Variants in NCF2 observed in about 807,000 individuals in gnomAD.
NCF2 encodes the protein neutrophil cytosolic factor 2.
NCF2 carries 45 observed loss-of-function variants against 70.9 expected under a neutral mutation model. The observed-to-expected ratio is 0.63, with a 90% CI of 0.50 to 0.81. NCF2 has a LOEUF of 0.81. Ranked by LOEUF, NCF2 falls within the 40% of genes least tolerant of loss-of-function variation. The probability of loss-of-function intolerance (pLI) is 0.00; values close to 1 mark genes in which losing one functional copy is unlikely to be tolerated. For missense variants in NCF2, 522 were observed against 631.6 expected, an observed-to-expected ratio of 0.83 and a Z score of 1.86; for synonymous variants, 203 against 233.6, an observed-to-expected ratio of 0.87 and a Z score of 1.19.
At position 183,563,268 on chromosome 1, in the gene NCF2, G is replaced by GA. The variant is rs1672151930; in HGVS notation, c.1216dup (p.Ser406PhefsTer22). ...CCAGGCATCCTTCATGCTGTCTTCT[G>GA]AAAGGGGCACCAGCTCATTGCTGTC... On this transcript the variant is annotated frameshift_variant, in exon 13 of 15. Coordinates refer to ENST00000367535, the MANE Select transcript of NCF2 (RefSeq NM_000433.4). LOFTEE classifies it high-confidence loss of function. 6.2e-7 allele frequency: 1 copy of GA among 1,614,146 alleles called. No homozygotes were observed. Among genetic ancestry groups the GA allele is most frequent in the Non-Finnish European group, 8.5e-7 (1 of 1,180,024 alleles).
chr1:183,584,348 C>T (rs530735929), intron 2 of NCF2, among the ~76,000 whole-genome samples: 16 of 152,308 alleles, frequency 1.1e-4, no homozygotes, highest in East Asian at 1.9e-4. Flanking sequence ...TAGGGAATTG[C>T]GCAAGAGGGC....
chr1:183,562,340 G>A (rs1180149782), intron 13 of NCF2, among the ~76,000 whole-genome samples: 1 of 152,100 alleles, frequency 6.6e-6, no homozygotes, highest in Non-Finnish European at 1.5e-5. Flanking sequence ...AAGACAGACA[G>A]CTGGAAAACC....
chr1:183,558,223 C>T (rs1447381182), intron 14 of NCF2, among the ~76,000 whole-genome samples: 1 of 151,774 alleles, frequency 6.6e-6, no homozygotes, highest in African/African-American at 2.4e-5. Flanking sequence ...TGTATACTCT[C>T]TCTACCCCCA....
intron 2 of NCF2, 150 bp from the exon 3 acceptor site, chr1:183,577,857 C>A: frequency 1.5e-6 from 1 of 687,750 alleles, no homozygotes. Flanking sequence ...TTCAGCAACC[C>A]TGAGTCCAAG....
intron 2 of NCF2, among the ~76,000 whole-genome samples, chr1:183,586,566 T>C (rs1267260694): frequency 6.6e-6 from 1 of 152,154 alleles, no homozygotes; most frequent in Non-Finnish European, 1.5e-5. Flanking sequence ...CTGTGACAGC[T>C]CAGTACCTCA....
chr1:183,587,048 A>ATCT, intron 1 of NCF2, 71 bp from the exon 2 acceptor site: 1 of 1,410,418 alleles, frequency 7.1e-7, no homozygotes, highest in South Asian at 1.1e-5. Context: ...GCCACGGCTC[A>ATCT]CAGAGCCCTA....
intron 3 of NCF2, among the ~76,000 whole-genome samples, chr1:183,576,617 C>T (rs867289820): frequency 6.6e-6 from 1 of 152,152 alleles, no homozygotes; most frequent in Admixed American, 6.5e-5. Flanking sequence ...AAACCTTACT[C>T]GAGAAGTTGG....
Position 183,565,706 on chromosome 1 carries a change from G to A in NCF2, c.998C>T (p.Pro333Leu), listed in dbSNP as rs1161284292. 6.2e-7 allele frequency: 1 copy of A among 1,612,384 alleles called. No individual in the cohort carries two copies. The highest frequency in any genetic ancestry group is 1.7e-5 in the Admixed American group (1 of 60,016). ...SKAPGRPQLS[P>L]GQKQKEEPKE... ...GCTGTGGCTCCAGGACCACTCACCT[G>A]GTGACAGCTGGGGTCTTCCAGGGGC... Residue 333 changes from proline (P) to leucine (L), a missense_variant and splice_region_variant, in exon 10 of 15, where the codon CCA becomes CTA. By Grantham distance (98) the Pro-to-Leu change is moderately conservative. Transcript: ENST00000367535.
At chr1:183,566,880 A>G (rs1206990456) in intron 9 of NCF2, 40 bp downstream of exon 9, 1 of 1,611,012 alleles carries the variant, frequency 6.2e-7, no homozygotes, top group Admixed American at 1.7e-5. Flanking sequence ...AGATCCCTAA[A>G]GGGTGAGAGG....
Position 183,590,305 on chromosome 1 carries a change from G to A in NCF2, c.25C>T (p.Leu9Phe), listed in dbSNP as rs1391299879. Residue 9 changes from leucine to phenylalanine, a missense_variant, in exon 1 of 15, where the codon CTC (leucine) becomes TTC (phenylalanine). Physicochemically the swap from Leu to Phe is conservative, Grantham distance 22. Coordinates refer to ENST00000367535, the MANE Select transcript of NCF2 (RefSeq NM_000433.4). The stretch of plus-strand genomic sequence containing the variant: ...GCTGCCAGCACCCCTTCATTCCAGA[G>A]GCTGATGGCCTCCACCAGGGACATG... The part of the protein sequence containing the change: MSLVEAIS[L>F]WNEGVLAADK... The A allele has an allele frequency of 6.2e-7, 1 of 1,614,112 alleles. No individual in the cohort carries two copies. The highest frequency in any genetic ancestry group is 8.5e-7 in the Non-Finnish European group (1 of 1,180,008).
chr1:183,560,029 T>G, intron 14 of NCF2, 67 bp downstream of exon 14: 2 of 1,506,316 alleles, frequency 1.3e-6, no homozygotes, highest in Non-Finnish European at 1.8e-6. Flanking sequence ...TATTTTCTTC[T>G]CTCTGCCCTT....
At chr1:183,564,198 C>A in intron 10 of NCF2, 168 bp from the exon 11 acceptor site, 1 of 732,264 alleles carries the variant, frequency 1.4e-6, no homozygotes, top group Admixed American at 2.1e-5. Context: ...AAATCTCGCC[C>A]TGGGGAAGCA....
At chr1:183,594,278 C>G (rs974312904), upstream of NCF2, among the ~76,000 whole-genome samples, 2 of 152,096 alleles carry the variant, frequency 1.3e-5, no homozygotes, top group African/African-American at 4.8e-5. Flanking sequence ...CATGGTGGCA[C>G]ATGCCTGTAG....
chr1:183,589,734 G>A (rs1288228807), intron 1 of NCF2, among the ~76,000 whole-genome samples: 1 of 152,126 alleles, frequency 6.6e-6, no homozygotes, highest in East Asian at 1.9e-4. Flanking sequence ...TCTTGAGCAG[G>A]CAAAGTCGAC....
chr1:183,595,208 C>T (rs1000084883), upstream of NCF2, among the ~76,000 whole-genome samples: 2 of 152,156 alleles, frequency 1.3e-5, no homozygotes, highest in Non-Finnish European at 2.9e-5. Flanking sequence ...GAGTACAAGA[C>T]AGGAAACCCT....
intron 2 of NCF2, 120 bp downstream of exon 2, chr1:183,586,775 G>T (rs537900921): frequency 1.3e-5 from 12 of 897,034 alleles, no homozygotes; most frequent in South Asian, 1.3e-4. Flanking sequence ...CCCCAGAAGG[G>T]CCAGTCACAT....
At chr1:183,577,570 C>T (rs374268796) in intron 3 of NCF2, 29 bp downstream of exon 3, 3 of 1,529,616 alleles carry the variant, frequency 2.0e-6, no homozygotes, top group Non-Finnish European at 2.7e-6. Flanking sequence ...TGATCCCCTC[C>T]TGCCCAGGCC....
chr1:183,565,657 G>A, intron 10 of NCF2, 47 bp downstream of exon 10: 1 of 1,553,278 alleles, frequency 6.4e-7, no homozygotes. Context: ...AAGCAGCCTG[G>A]CATGCTGCTG....
chr1:183,566,859 C>T, intron 9 of NCF2, 61 bp downstream of exon 9: 1 of 1,600,740 alleles, frequency 6.2e-7, no homozygotes, highest in Non-Finnish European at 8.6e-7. Flanking sequence ...GCTTTTCTCC[C>T]CTCCAGGGAG....
Sources: gnomAD v4.1 joint callset for allele counts (sites outside exome capture counted in the v4.1 genomes callset) on GRCh38, gnomAD v4.1.1 for gene constraint, MANE v1.5 for transcripts, NCBI Gene and HGNC (gene_info 2026-07-23, HGNC 2026-07-21) for gene names.